The following SAMD5 variants were observed in gnomAD, a reference collection of about 807,000 sequenced individuals.
SAMD5 encodes sterile alpha motif domain containing 5.
SAMD5 carries 13 observed loss-of-function variants against 11.3 expected under a neutral mutation model. That is an observed-to-expected ratio of 1.15 (90% confidence interval 0.75 to 1.83). The LOEUF is 1.83. Among genes scored for constraint, SAMD5 ranks in the 40% most tolerant of loss-of-function variants. SAMD5 has a pLI of 0.00. For synonymous variants in SAMD5, 129 were observed against 111.3 expected, an observed-to-expected ratio of 1.16 and a Z score of -1.00; for missense variants, 255 against 239.1, an observed-to-expected ratio of 1.07 and a Z score of -0.44.
chr6:147,653,331 A>G (rs1198525781), intron 1 of SAMD5, among the ~76,000 whole-genome samples: 1 of 152,204 alleles, frequency 6.6e-6, no homozygotes, highest in Non-Finnish European at 1.5e-5. Flanking sequence ...TTTTCCTTTG[A>G]TTGCCTCATT....
At chr6:147,696,544 C>A (rs972979102) in intron 1 of SAMD5, among the ~76,000 whole-genome samples, 4 of 152,142 alleles carry the variant, frequency 2.6e-5, no homozygotes, top group Non-Finnish European at 5.9e-5. Flanking sequence ...TGCCTTAGCC[C>A]AGCATATGCA....
At chr6:147,918,940 C>T in the SAMD5 span, among the ~76,000 whole-genome samples, 4 of 151,974 alleles carry the variant, frequency 2.6e-5, no homozygotes, top group Admixed American at 6.6e-5. Flanking sequence ...CTCCTGACCT[C>T]GTGATCTGCC....
chr6:147,885,653 G>A, the SAMD5 span, among the ~76,000 whole-genome samples: 1 of 152,200 alleles, frequency 6.6e-6, no homozygotes, highest in Non-Finnish European at 1.5e-5. Context: ...AAAAAGCAAA[G>A]CAAACATAAT....
chr6:147,947,074 T>C, the SAMD5 span, among the ~76,000 whole-genome samples: 4 of 152,234 alleles, frequency 2.6e-5, no homozygotes, highest in Non-Finnish European at 5.9e-5. Flanking sequence ...TTTGGAAACC[T>C]GATGTCGATT....
the SAMD5 span, among the ~76,000 whole-genome samples, chr6:147,877,928 T>G: frequency 8.6e-4 from 6 of 6,938 alleles, no homozygotes; most frequent in Admixed American, 8.6e-3. Flanking sequence ...GCTAGCTAGA[T>G]AGATAGATAG....
At chr6:147,573,097 C>G (rs1789160284), downstream of SAMD5, among the ~76,000 whole-genome samples, 1 of 152,126 alleles carries the variant, frequency 6.6e-6, no homozygotes, top group South Asian at 2.1e-4. Context: ...CCTTTTCTTC[C>G]TCTGATATAT....
At chr6:147,595,572 G>T (rs1430410472) in intron 1 of SAMD5, among the ~76,000 whole-genome samples, 1 of 140,712 alleles carries the variant, frequency 7.1e-6, no homozygotes, top group Non-Finnish European at 1.5e-5. Flanking sequence ...TGTCACCCAG[G>T]CTGGAGTGCA....
At chr6:147,644,164 G>T (rs1015911473) in intron 1 of SAMD5, among the ~76,000 whole-genome samples, 1 of 152,068 alleles carries the variant, frequency 6.6e-6, no homozygotes, top group African/African-American at 2.4e-5. Flanking sequence ...AAGCCTAGAA[G>T]TGTCTGCTCC....
Position 147,552,156 on chromosome 6 carries a change from G to A in SAMD5, c.460-12238G>A, listed in dbSNP as rs11970657. On this transcript the variant is annotated intron_variant, in intron 1 of 1. Coordinates refer to ENST00000367474, the MANE Select transcript of SAMD5 (RefSeq NM_001030060.3). ...GTGTTCTTTGCTGTTTAATGTCTTT[G>A]CTGCAGTGAGACAGATTCCTGAAGG... Among the ~76,000 whole-genome samples the A allele has an allele frequency of 2.3e-3, 353 of 152,258 alleles. 1 individual carries two copies. Among genetic ancestry groups the A allele is most frequent in the African/African-American group, 8.1e-3 (338 of 41,546 alleles).
the SAMD5 span, among the ~76,000 whole-genome samples, chr6:147,812,912 C>G: frequency 3.9e-5 from 6 of 152,106 alleles, no homozygotes; most frequent in Admixed American, 6.5e-5. Context: ...ATTCGTTTGT[C>G]AATATTGGCC....
chr6:147,712,210 C>A (rs775607395), intron 1 of SAMD5, among the ~76,000 whole-genome samples: 5 of 152,156 alleles, frequency 3.3e-5, no homozygotes, highest in African/African-American at 7.2e-5. Context: ...CCAAGCAACT[C>A]AATTATATTT....
rs373576424 is a variant in SAMD5 at position 147,691,081 on chromosome 6, C to G, written c.163-46236C>G. ...ACAACCTTAGCTTACTGCAACACCC[C>G]CCTCCCGAGTTCAAGCCATTCTCCT... On this transcript the variant is annotated intron_variant, in intron 1 of 1. Coordinates refer to the SAMD5 transcript ENST00000566741. 6.6e-5 allele frequency among the ~76,000 whole-genome samples: 10 copies of G among 151,996 alleles called. No homozygotes were observed. The East Asian group carries it at 1.9e-3, about 30-fold the overall frequency.
the SAMD5 span, among the ~76,000 whole-genome samples, chr6:147,808,194 A>G: frequency 6.6e-6 from 1 of 152,064 alleles, no homozygotes; most frequent in South Asian, 2.1e-4. Flanking sequence ...TTGGTCTTGC[A>G]TTTCTGCATT....
At chr6:147,814,209 T>C in the SAMD5 span, among the ~76,000 whole-genome samples, 5 of 152,216 alleles carry the variant, frequency 3.3e-5, no homozygotes, top group Non-Finnish European at 7.3e-5. Context: ...CTGTTCTTTG[T>C]CACAGTTTAA....
chr6:147,710,189 C>T (rs935698577), intron 1 of SAMD5, among the ~76,000 whole-genome samples: 5 of 152,202 alleles, frequency 3.3e-5, no homozygotes, highest in Non-Finnish European at 7.3e-5. Flanking sequence ...TACTGCTCTC[C>T]ATCAGCTCAA....
At chr6:147,537,639 A>C (rs1788531456) in intron 1 of SAMD5, among the ~76,000 whole-genome samples, 1 of 152,004 alleles carries the variant, frequency 6.6e-6, no homozygotes, top group South Asian at 2.1e-4. Context: ...CTGTAGTCCC[A>C]GCTACTCGGG....
At chr6:147,516,545 A>G (rs1583064562) in intron 1 of SAMD5, among the ~76,000 whole-genome samples, 1 of 152,206 alleles carries the variant, frequency 6.6e-6, no homozygotes, top group African/African-American at 2.4e-5. Flanking sequence ...GTATCCTAGA[A>G]CTGCCATAAA....
chr6:147,688,672 C>CA (rs1791052453), intron 1 of SAMD5, among the ~76,000 whole-genome samples: 1 of 152,200 alleles, frequency 6.6e-6, no homozygotes, highest in Non-Finnish European at 1.5e-5. Flanking sequence ...TCAAGTGCCT[C>CA]AAAGGAAACC....
intron 1 of SAMD5, among the ~76,000 whole-genome samples, chr6:147,523,464 G>A (rs1271185103): frequency 6.6e-6 from 1 of 152,096 alleles, no homozygotes; most frequent in Non-Finnish European, 1.5e-5. Context: ...AGAAATGAAT[G>A]CACCCAACAC....
Sources: gnomAD v4.1 joint callset for allele counts (sites outside exome capture counted in the v4.1 genomes callset) on GRCh38, gnomAD v4.1.1 for gene constraint, MANE v1.5 for transcripts, NCBI Gene and HGNC (gene_info 2026-07-23, HGNC 2026-07-21) for gene names.